Variants in MKLN1 observed in about 807,000 individuals in gnomAD.
MKLN1 encodes muskelin.
In MKLN1, 18 loss-of-function variants were observed where a neutral mutation model predicts 99.0. That is an observed-to-expected ratio of 0.18 (90% CI 0.13 to 0.27). MKLN1 has a LOEUF of 0.27. MKLN1 is among the 10% of genes least tolerant of loss of function. MKLN1 has a pLI of 1.00. For synonymous variants in MKLN1, 288 were observed against 293.2 expected (o/e 0.98, Z 0.18); for missense variants, 621 against 875.9 (o/e 0.71, Z 3.67).
At chr7:131,120,200 G>T (rs1399675420) in intron 1 of MKLN1, among the ~76,000 whole-genome samples, 1 of 141,936 alleles carries the variant, frequency 7.0e-6, no homozygotes, top group Non-Finnish European at 1.5e-5. Flanking sequence ...GAAGCAGCCA[G>T]GCCATATCTT....
chr7:131,157,213 CTACAAAAAA>C (rs1795982821), intron 2 of MKLN1, among the ~76,000 whole-genome samples: 2 of 152,052 alleles, frequency 1.3e-5, no homozygotes, highest in South Asian at 2.1e-4. Context: ...AGCCCTGTCT[CTACAAAAAA>C]TACAAAAAAT....
chr7:131,255,329 C>T (rs1304675915), intron 3 of MKLN1, among the ~76,000 whole-genome samples: 1 of 151,906 alleles, frequency 6.6e-6, no homozygotes, highest in South Asian at 2.1e-4. Flanking sequence ...AGAACCATAC[C>T]CAGACACATC....
intron 1 of MKLN1, among the ~76,000 whole-genome samples, chr7:131,333,971 CAT>C (rs1363222928): frequency 3.3e-5 from 5 of 152,166 alleles, no homozygotes; most frequent in Non-Finnish European, 7.3e-5. Context: ...TGGAAGAAAA[CAT>C]ATTTAAATCA....
At chr7:131,437,501 A>T (rs1795708573) in intron 9 of MKLN1, among the ~76,000 whole-genome samples, 1 of 152,202 alleles carries the variant, frequency 6.6e-6, no homozygotes, top group Non-Finnish European at 1.5e-5. Flanking sequence ...TATAGATGTT[A>T]TAAACAGAGT....
At chr7:131,190,092 TC>T (rs1006392831) in intron 2 of MKLN1, among the ~76,000 whole-genome samples, 21 of 152,094 alleles carry the variant, frequency 1.4e-4, no homozygotes, top group Non-Finnish European at 4.4e-5. Context: ...AAATGTTGGT[TC>T]CCTCCATCTC....
At chr7:131,302,414 G>A (rs1798389435) in intron 3 of MKLN1, among the ~76,000 whole-genome samples, 1 of 152,196 alleles carries the variant, frequency 6.6e-6, no homozygotes, top group African/African-American at 2.4e-5. Flanking sequence ...AGAAAAGTGT[G>A]GAAGATCTTG....
chr7:131,247,235 C>CTTTTTTTTTTTTTTTTTTTT (rs72068521), intron 3 of MKLN1, among the ~76,000 whole-genome samples: 4 of 141,144 alleles, frequency 2.8e-5, no homozygotes, highest in African/African-American at 5.3e-5. Context: ...TTTCTTTTTT[C>CTTTTTTTTTTTTTTTTTTTT]TTTTTTTTTT....
intron 4 of MKLN1, among the ~76,000 whole-genome samples, chr7:131,393,647 GA>G (rs1794271173): frequency 6.6e-6 from 1 of 152,016 alleles, no homozygotes; most frequent in South Asian, 2.1e-4. Flanking sequence ...TTTTTTAAGA[GA>G]CAGGGTCTTT....
chr7:131,292,276 A>C (rs1798230831), intron 3 of MKLN1, among the ~76,000 whole-genome samples: 1 of 152,222 alleles, frequency 6.6e-6, no homozygotes, highest in Admixed American at 6.5e-5. Flanking sequence ...GGAAGAAAGG[A>C]GGCGAGAATG....
At chr7:131,208,091 G>A (rs921229249) in intron 3 of MKLN1, among the ~76,000 whole-genome samples, 5 of 152,084 alleles carry the variant, frequency 3.3e-5, no homozygotes, top group African/African-American at 1.2e-4. Flanking sequence ...CATATTATTG[G>A]GCAAAGAGAA....
At chr7:131,235,312 T>C (rs1260699727) in intron 3 of MKLN1, among the ~76,000 whole-genome samples, 2 of 146,686 alleles carry the variant, frequency 1.4e-5, no homozygotes, top group Non-Finnish European at 3.0e-5. Context: ...TGTGTGTGTA[T>C]GTGAGAGAGA....
chr7:131,400,906 T>G (rs1794525380), intron 6 of MKLN1, among the ~76,000 whole-genome samples: 1 of 152,150 alleles, frequency 6.6e-6, no homozygotes. Flanking sequence ...GTTTTTGTAC[T>G]GTGAATACTA....
In MKLN1 at chr7:131,244,672, T is replaced by C. The variant is rs112274466; in HGVS notation, c.-179+41698T>C. On this transcript the variant is annotated intron_variant, in intron 3 of 7. Transcript: ENST00000416992. Reference sequence around the variant, plus strand: ...AGTAGAGTTACAGTGACGACGGTGATGACGGTGATGACGATGATGACGATG... The same window carrying C: ...AGTAGAGTTACAGTGACGACGGTGACGACGGTGATGACGATGATGACGATG... Among the ~76,000 whole-genome samples, 1,360 of 152,304 alleles carry C rather than the reference T, an allele frequency of 8.9e-3. 12 individuals are homozygous for C. Among genetic ancestry groups the C allele is most frequent in the South Asian group, 0.04 (195 of 4,826 alleles).
chr7:131,231,171 C>T (rs73153407), intron 3 of MKLN1, among the ~76,000 whole-genome samples: 5,909 of 144,042 alleles, frequency 0.041, 172 homozygotes, highest in Middle Eastern at 0.08. Context: ...CCTGGCAGGG[C>T]AGGAGAGGAG....
At chr7:131,269,944 G>A (rs774296627) in intron 3 of MKLN1, among the ~76,000 whole-genome samples, 1 of 151,700 alleles carries the variant, frequency 6.6e-6, no homozygotes, top group Non-Finnish European at 1.5e-5. Flanking sequence ...TATTTTTTGA[G>A]ATGGAGTCTT....
chr7:131,416,891 A>G (rs1176605256), intron 8 of MKLN1, among the ~76,000 whole-genome samples: 1 of 151,146 alleles, frequency 6.6e-6, no homozygotes, highest in Non-Finnish European at 1.5e-5. Context: ...GCTGAGTCAG[A>G]AGGATTGCTT....
rs75170436 is a variant in MKLN1, at chr7:131,235,985, T to C, written c.-179+33011T>C. Among the ~76,000 whole-genome samples the C allele has an allele frequency of 6.7e-3, 1,023 of 152,316 alleles. 30 individuals carry two copies. In the East Asian group the frequency reaches 0.08, roughly 12 times the overall value. On this transcript the variant is annotated intron_variant, in intron 3 of 7. Coordinates refer to the MKLN1 transcript ENST00000416992. The stretch of plus-strand genomic sequence containing the variant: ...GTGTGCCCAGATCGAGTTATAAAGC[T>C]GGCAATCAGTTTTTCAAAGGAAGTC...
At chr7:131,471,066 A>T (rs1382588111) in intron 16 of MKLN1, 122 bp downstream of exon 16, 2 of 631,558 alleles carry the variant, frequency 3.2e-6, no homozygotes, top group African/African-American at 3.7e-5. Context: ...TGACATCAGT[A>T]ATCTTTAAAA....
chr7:131,297,708 T>C (rs1232471248), intron 3 of MKLN1, among the ~76,000 whole-genome samples: 1 of 152,170 alleles, frequency 6.6e-6, no homozygotes, highest in Non-Finnish European at 1.5e-5. Flanking sequence ...ATGATACTTT[T>C]GAAATAGGAC....
Sources: allele counts gnomAD v4.1 joint callset (sites outside exome capture counted in the v4.1 genomes callset), GRCh38; gene constraint gnomAD v4.1.1; transcripts MANE v1.5; gene names NCBI Gene and HGNC (gene_info 2026-07-23, HGNC 2026-07-21).